The following DOCK2 variants were observed in gnomAD, a reference collection of about 807,000 sequenced individuals.
The protein encoded by DOCK2 is dedicator of cytokinesis 2, also known as dedicator of cytokinesis protein 2.
DOCK2 carries 87 observed loss-of-function variants against 248.9 expected under a neutral mutation model. The ratio of observed to expected loss-of-function variants is 0.35; its 90% CI spans 0.29 to 0.42. The LOEUF (loss-of-function observed/expected upper bound fraction) is 0.42, where lower values mean the gene tolerates loss of function less well. Among genes scored for constraint, DOCK2 ranks in the 10% least tolerant of loss-of-function variants. The probability of loss-of-function intolerance (pLI) is 1.00; values close to 1 mark genes in which losing one functional copy is unlikely to be tolerated. For missense variants in DOCK2, 1,747 were observed against 2,300.2 expected, an observed-to-expected ratio of 0.76 and a Z score of 4.92; for synonymous variants, 805 against 821.6, an observed-to-expected ratio of 0.98 and a Z score of 0.35.
chr5:169,937,662 A>AT (rs1173856729), intron 27 of DOCK2, among the ~76,000 whole-genome samples: 2 of 152,226 alleles, frequency 1.3e-5, no homozygotes, highest in Admixed American at 6.5e-5. Context: ...TTACAAATGG[A>AT]TAAAGAGTAT....
At chr5:169,668,344 A>G (rs182484179) in intron 2 of DOCK2, among the ~76,000 whole-genome samples, 150 of 152,162 alleles carry the variant, frequency 9.9e-4, no homozygotes, top group Admixed American at 8.9e-3. Flanking sequence ...AAAAGAAGCT[A>G]TCACGGCCCC....
chr5:169,711,967 C>A lies in DOCK2; in HGVS notation c.1515C>A (p.Ile505=), dbSNP rs1761611701. ...TCCCTATTGAAGACATGCAGAGGAT[C>A]CATCTGCGATTCATGTTTCGACATC... ...VAVPIEDMQR[I]HLRFMFRHRS... is the part of the protein sequence containing the mutation. The change falls in exon 16 of 52, where the codon ATC becomes ATA. Residue 505 remains isoleucine (I), a synonymous_variant. Transcript: ENST00000520908. 1.9e-6 allele frequency: 3 copies of A among 1,614,078 alleles called. No homozygotes were observed. The Admixed American group carries it at 5.0e-5, about 27-fold the overall frequency.
chr5:169,721,535 A>G (rs1207448534), intron 22 of DOCK2, among the ~76,000 whole-genome samples: 1 of 152,220 alleles, frequency 6.6e-6, no homozygotes. Flanking sequence ...ATGCTTTGAG[A>G]TGTCTAACCC....
chr5:169,766,872 A>T (rs1036005887), intron 25 of DOCK2, among the ~76,000 whole-genome samples: 1 of 152,012 alleles, frequency 6.6e-6, no homozygotes. Context: ...GGTTCAAGAG[A>T]TTCTCCTGCC....
intron 26 of DOCK2, among the ~76,000 whole-genome samples, chr5:169,814,656 G>A (rs893589750): frequency 1.1e-4 from 16 of 152,148 alleles, no homozygotes; most frequent in Admixed American, 9.8e-4. Context: ...TATGCAACTC[G>A]CTAGGAATTC....
chr5:169,862,827 A>G lies in DOCK2; in HGVS notation c.2799+21975A>G, dbSNP rs574654933. Among the ~76,000 whole-genome samples the G allele has an allele frequency of 1.9e-4, 29 of 152,350 alleles. No individual in the cohort carries two copies. The South Asian group carries it at 5.8e-3, about 30-fold the overall frequency. On this transcript the variant is annotated intron_variant, in intron 27 of 51. Coordinates refer to ENST00000520908, the MANE Select transcript of DOCK2 (RefSeq NM_004946.3). The stretch of plus-strand genomic sequence containing the variant: ...AATTAGGCTCAATTTGCAGTGGGGT[A>G]GGTACATCCCACGAACACACAGGAT...
At chr5:169,924,937 A>G (rs1775357591) in intron 27 of DOCK2, among the ~76,000 whole-genome samples, 1 of 152,178 alleles carries the variant, frequency 6.6e-6, no homozygotes, top group Non-Finnish European at 1.5e-5. Context: ...GTCCAGGCAC[A>G]ATTGCTTCTC....
chr5:169,859,393 G>T (rs906761673), intron 27 of DOCK2, among the ~76,000 whole-genome samples: 2 of 152,242 alleles, frequency 1.3e-5, no homozygotes, highest in African/African-American at 2.4e-5. Context: ...CATTAAACCA[G>T]TCAAATGTGG....
At chr5:169,885,411 C>A (rs1772916314) in intron 27 of DOCK2, among the ~76,000 whole-genome samples, 1 of 152,156 alleles carries the variant, frequency 6.6e-6, no homozygotes, top group African/African-American at 2.4e-5. Context: ...AGAGCCTGGG[C>A]ATGAAGAGGA....
intron 6 of DOCK2, among the ~76,000 whole-genome samples, chr5:169,681,177 G>A (rs1454588588): frequency 7.3e-6 from 1 of 136,398 alleles, no homozygotes; most frequent in Non-Finnish European, 1.5e-5. Flanking sequence ...AGGCTGGAGT[G>A]CAGTGGTGCA....
chr5:170,028,166 T>C (rs1456699762), intron 34 of DOCK2, among the ~76,000 whole-genome samples: 2 of 152,208 alleles, frequency 1.3e-5, no homozygotes, highest in African/African-American at 4.8e-5. Context: ...GTGAAAAGAA[T>C]CTTTGCTGTG....
intron 22 of DOCK2, among the ~76,000 whole-genome samples, chr5:169,722,390 A>G (rs570861105): frequency 3.3e-5 from 5 of 152,318 alleles, no homozygotes; most frequent in African/African-American, 1.2e-4. Flanking sequence ...TAAAAGGGAG[A>G]GGAACCAGAA....
chr5:169,917,627 CG>C (rs1774948528), intron 27 of DOCK2, among the ~76,000 whole-genome samples: 1 of 151,920 alleles, frequency 6.6e-6, no homozygotes, highest in Admixed American at 6.6e-5. Flanking sequence ...TTGGTGATTG[CG>C]AAACACTAGA....
intron 26 of DOCK2, among the ~76,000 whole-genome samples, chr5:169,804,131 A>G (rs534594867): frequency 6.6e-6 from 1 of 152,158 alleles, no homozygotes; most frequent in Admixed American, 6.5e-5. Context: ...AACTGTGTCT[A>G]TTATTGACTG....
rs751888622 is a variant in DOCK2, at chr5:169,684,204, C to G, written c.615C>G (p.Asp205Glu). 19 of 1,613,918 alleles carry G rather than the reference C, an allele frequency of 1.2e-5. No homozygotes were observed. Among genetic ancestry groups the G allele is most frequent in the Non-Finnish European group, 1.4e-5 (17 of 1,179,862 alleles). Residue 205 changes from aspartate to glutamate, a missense_variant, in exon 8 of 52, where the codon GAC becomes GAG. By Grantham distance (45) the Asp-to-Glu change is conservative. This residue lies in a region of DOCK2 where 375 missense variants were observed against 510.9 expected (regional missense o/e 0.73). Coordinates refer to ENST00000520908, the MANE Select transcript of DOCK2 (RefSeq NM_004946.3). ...TERIKEEMSKDQPDYAMYSRI... is the reference protein window; with the variant it reads ...TERIKEEMSKEQPDYAMYSRI... ...TTCCTTCTGCCTTTCAGTCAAAAGA[C>G]CAGCCAGATTATGCAATGTATTCCC...
intron 27 of DOCK2, among the ~76,000 whole-genome samples, chr5:169,889,950 T>G (rs913847830): frequency 6.6e-6 from 1 of 152,218 alleles, no homozygotes; most frequent in African/African-American, 2.4e-5. Flanking sequence ...TTCTCTGAAC[T>G]TAGTAATAAT....
chr5:169,850,980 C>T (rs1195246884), intron 27 of DOCK2, among the ~76,000 whole-genome samples: 1 of 152,184 alleles, frequency 6.6e-6, no homozygotes, highest in Admixed American at 6.5e-5. Flanking sequence ...GTTCGTTGTC[C>T]TTGTTTCAGT....
At chr5:170,044,038 A>G (rs1384242633) in intron 38 of DOCK2, among the ~76,000 whole-genome samples, 1 of 152,202 alleles carries the variant, frequency 6.6e-6, no homozygotes, top group Non-Finnish European at 1.5e-5. Flanking sequence ...GGTACAGCTT[A>G]CCCTGAAAGC....
intron 25 of DOCK2, 99 bp downstream of exon 25, chr5:169,761,724 T>A: frequency 1.2e-6 from 1 of 869,196 alleles, no homozygotes; most frequent in Non-Finnish European, 1.8e-6. Context: ...GTCCAGTGAC[T>A]ATAACATCTC....
Sources: gnomAD v4.1 joint callset for allele counts (sites outside exome capture counted in the v4.1 genomes callset) on GRCh38, gnomAD v4.1.1 for gene constraint, gnomAD v4.1.1 regional missense constraint, MANE v1.5 for transcripts, NCBI Gene and HGNC (gene_info 2026-07-23, HGNC 2026-07-21) for gene names.